FBXO45: variants seen among roughly 807,000 people sequenced by gnomAD.
FBXO45 encodes the protein F-box protein 45.
A neutral mutation model predicts 25.5 loss-of-function variants in FBXO45; 3 were observed. The observed-to-expected ratio is 0.12, with a 90% CI of 0.05 to 0.30. FBXO45 has a LOEUF of 0.30. Among genes scored for constraint, FBXO45 ranks in the 10% least tolerant of loss-of-function variants. The pLI, the probability that FBXO45 is intolerant of heterozygous loss-of-function variation, is 1.00. For missense variants in FBXO45, 219 were observed against 365.0 expected, an observed-to-expected ratio of 0.60 and a Z score of 3.26; for synonymous variants, 155 against 149.8, an observed-to-expected ratio of 1.03 and a Z score of -0.25.
At chr3:196,576,167 C>T (rs1443539232) in intron 1 of FBXO45, among the ~76,000 whole-genome samples, 1 of 152,154 alleles carries the variant, frequency 6.6e-6, no homozygotes, top group African/African-American at 2.4e-5. Flanking sequence ...GAATGGTAAA[C>T]GAACAGGTGG....
intron 1 of FBXO45, among the ~76,000 whole-genome samples, chr3:196,576,388 A>C (rs911444541): frequency 3.2e-4 from 48 of 152,284 alleles, no homozygotes; most frequent in African/African-American, 1.1e-3. Context: ...GATTTTTTAA[A>C]AACATACTAG....
chr3:196,574,752 C>T (rs1214355690), intron 1 of FBXO45, among the ~76,000 whole-genome samples: 2 of 152,128 alleles, frequency 1.3e-5, no homozygotes, highest in Non-Finnish European at 2.9e-5. Context: ...TGGGCAAGCA[C>T]CCGGCAGAGA....
Position 196,584,420 on chromosome 3 carries a change from T to C in FBXO45, c.*102T>C. 9.9e-7 allele frequency: 1 copy of C among 1,005,672 alleles called. No individual in the cohort carries two copies. Among genetic ancestry groups the C allele is most frequent in the South Asian group, 1.9e-5 (1 of 52,840 alleles). The allele number at this position is 1,005,672 out of a possible 1,614,324, so 62.3% of individuals were successfully genotyped here. ...ACACATGCATGTCCAAGAAACATCC[T>C]GAAAACACATGAAGTCGTAAACTGG... On this transcript the variant is annotated 3_prime_UTR_variant, in exon 3 of 3. Transcript: ENST00000311630. The surrounding 1 kb of genome is among the most constrained non-coding windows in gnomAD (Gnocchi z 4.3).
In FBXO45 at chr3:196,583,323, C is replaced by T. The variant is rs183404726; in HGVS notation, c.676-810C>T. Among the ~76,000 whole-genome samples, 335 of 152,034 alleles carry T rather than the reference C, an allele frequency of 2.2e-3. 1 individual carries two copies. The highest frequency in any genetic ancestry group is 6.0e-3 in the African/African-American group (250 of 41,450). ...GAGATGGAGACCATCCTGGCTAACA[C>T]GGTGAAACCCGTCTCTACTAAAAAT... On this transcript the variant is annotated intron_variant, in intron 2 of 2. Transcript: ENST00000311630.
intron 1 of FBXO45, among the ~76,000 whole-genome samples, chr3:196,575,086 G>T (rs1483273313): frequency 6.6e-6 from 1 of 152,156 alleles, no homozygotes; most frequent in Non-Finnish European, 1.5e-5. Flanking sequence ...TTTGGTTGGG[G>T]CAGAGGAAGG....
intron 1 of FBXO45, among the ~76,000 whole-genome samples, chr3:196,574,567 G>T (rs1444167875): frequency 6.6e-6 from 1 of 152,148 alleles, no homozygotes; most frequent in Non-Finnish European, 1.5e-5. Context: ...CGATTTTGCG[G>T]ATTTCATTAT....
At chr3:196,576,735 GCTAT>G (rs1396426331) in intron 1 of FBXO45, among the ~76,000 whole-genome samples, 5 of 152,272 alleles carry the variant, frequency 3.3e-5, no homozygotes, top group East Asian at 1.9e-4. Context: ...GAACCTAGAT[GCTAT>G]CTAAGGGATT....
chr3:196,583,659 A>T (rs1736056260), intron 2 of FBXO45, among the ~76,000 whole-genome samples: 1 of 152,232 alleles, frequency 6.6e-6, no homozygotes. Context: ...AAATCAATCT[A>T]GGTAGTGTTC....
At chr3:196,576,440 C>G (rs73891292) in intron 1 of FBXO45, among the ~76,000 whole-genome samples, 1 of 152,082 alleles carries the variant, frequency 6.6e-6, no homozygotes, top group Admixed American at 6.6e-5. Flanking sequence ...CCCAGCTACT[C>G]GGAAGACTGA....
At chr3:196,570,712 CTTTTTTT>C (rs71161937) in intron 1 of FBXO45, among the ~76,000 whole-genome samples, 30 of 99,852 alleles carry the variant, frequency 3.0e-4, no homozygotes, top group East Asian at 2.5e-3. Context: ...TTTCTTTTTT[CTTTTTTT>C]TTTTTTTTTT....
At position 196,584,336 on chromosome 3, in the gene FBXO45, T is replaced by C. The variant is rs1736066023; in HGVS notation, c.*18T>C. 3.8e-6 allele frequency: 6 copies of C among 1,590,612 alleles called. No individual in the cohort carries two copies. In the East Asian group the frequency reaches 6.7e-5, roughly 18 times the overall value. ...ACGGATGACAGTGGCTTTCTTGTGA[T>C]GACAGACAGAATGGAGGAGAGATCT... On this transcript the variant is annotated 3_prime_UTR_variant, in exon 3 of 3. Transcript: ENST00000311630. This position sits in a 1 kb window ranked among gnomAD's most constrained non-coding sequence, Gnocchi z 4.3.
chr3:196,573,059 C>G (rs1735855301), intron 1 of FBXO45, among the ~76,000 whole-genome samples: 1 of 152,070 alleles, frequency 6.6e-6, no homozygotes, highest in African/African-American at 2.4e-5. Flanking sequence ...GTGGCTGGGA[C>G]TACAGGCATG....
intron 2 of FBXO45, among the ~76,000 whole-genome samples, chr3:196,578,933 T>C (rs1735963153): frequency 6.6e-6 from 1 of 152,192 alleles, no homozygotes; most frequent in Non-Finnish European, 1.5e-5. Flanking sequence ...ATCTTTCCTG[T>C]ATCACGGCAC....
At chr3:196,570,712 C>CT (rs71161937) in intron 1 of FBXO45, among the ~76,000 whole-genome samples, 9,758 of 99,760 alleles carry the variant, frequency 0.098, 554 homozygotes, top group East Asian at 0.19. Flanking sequence ...TTTCTTTTTT[C>CT]TTTTTTTTTT....
At chr3:196,570,169 C>T (rs961028695) in intron 1 of FBXO45, among the ~76,000 whole-genome samples, 1 of 152,074 alleles carries the variant, frequency 6.6e-6, no homozygotes, top group Non-Finnish European at 1.5e-5. Context: ...TTCAGTATAG[C>T]AGTCAATCAA....
In FBXO45 at chr3:196,584,541, C is replaced by T. The variant is rs899729563; in HGVS notation, c.*223C>T. On this transcript the variant is annotated 3_prime_UTR_variant, in exon 3 of 3. Transcript: ENST00000311630. This position sits in a 1 kb window ranked among gnomAD's most constrained non-coding sequence, Gnocchi z 4.3. ...TGCAGTTGGTTGAGTGGGCAGTTGA[C>T]ATATGCATGTTGCACCCGATGTTGT... The T allele has an allele frequency of 2.4e-5, 11 of 454,078 alleles. No homozygotes were observed. Among genetic ancestry groups the T allele is most frequent in the Non-Finnish European group, 3.5e-5 (9 of 258,078 alleles). 28.1% of individuals were successfully genotyped at this position (454,078 alleles called of 1,614,324 possible). A position where few individuals can be genotyped will look rare whatever the true frequency, so the allele number is the denominator to read the frequency against.
intron 1 of FBXO45, among the ~76,000 whole-genome samples, chr3:196,573,397 G>A (rs1378056645): frequency 1.3e-5 from 2 of 152,184 alleles, no homozygotes; most frequent in African/African-American, 4.8e-5. Flanking sequence ...TTTGGGTTTT[G>A]TACTACAGTT....
In FBXO45 at chr3:196,569,058, G is replaced by GCGCGGGCTCGGGCTCTGGGGC. The variant is rs1735717373; in HGVS notation, c.81_101dup (p.Ser28_Gly34dup). The GCGCGGGCTCGGGCTCTGGGGC allele has an allele frequency of 8.5e-7, 1 of 1,173,032 alleles. No homozygotes were observed. The highest frequency in any genetic ancestry group is 1.6e-5 in the African/African-American group (1 of 61,026). The allele number at this position is 1,173,032 out of a possible 1,614,324, so 72.7% of individuals were successfully genotyped here. On this transcript the variant is annotated inframe_insertion, in exon 1 of 3. Transcript: ENST00000311630. The surrounding 1 kb of genome is among the most constrained non-coding windows in gnomAD (Gnocchi z 4.1). ...TGTAGCGGCGGCGGCGCGGGCGCGG[G>GCGCGGGCTCGGGCTCTGGGGC]CGCGGGCTCGGGCTCTGGGGCCGCG... is the stretch of plus-strand genomic sequence containing the variant.
chr3:196,580,255 G>C (rs1320603016), intron 2 of FBXO45, among the ~76,000 whole-genome samples: 7 of 150,432 alleles, frequency 4.7e-5, no homozygotes, highest in African/African-American at 1.7e-4. Context: ...GCCCATGCTG[G>C]AGTGCAATGG....
Sources: allele counts gnomAD v4.1 joint callset (sites outside exome capture counted in the v4.1 genomes callset), GRCh38; gene constraint gnomAD v4.1.1; non-coding constraint Gnocchi (gnomAD v3.1); transcripts MANE v1.5; gene names NCBI Gene and HGNC (gene_info 2026-07-23, HGNC 2026-07-21).